UNC79: variants seen among roughly 807,000 people sequenced by gnomAD.
UNC79 encodes protein unc-79 homolog.
Under a neutral mutation model 283.1 loss-of-function variants are expected in UNC79, and 37 were observed. The ratio of observed to expected loss-of-function variants is 0.13; its 90% CI spans 0.10 to 0.17. UNC79 has a LOEUF of 0.17. UNC79 is among the 10% of genes least tolerant of loss of function. UNC79 has a pLI of 1.00. For synonymous variants in UNC79, 1,107 were observed against 1,200.2 expected, an observed-to-expected ratio of 0.92 and a Z score of 1.61; for missense variants, 2,272 against 3,211.1, an observed-to-expected ratio of 0.71 and a Z score of 7.07.
At chr14:93,449,163 G>A (rs1165914128) in intron 1 of UNC79, among the ~76,000 whole-genome samples, 1 of 152,162 alleles carries the variant, frequency 6.6e-6, no homozygotes, top group Non-Finnish European at 1.5e-5. Context: ...TTGTCAGTGG[G>A]TCTTTGGTTT....
rs1440608774 is a variant in UNC79, at chr14:93,531,645, T to C, written c.1094-905T>C. ...ACACACACGTTAAGAGTGATATAAA[T>C]TGATAATTTAAATCTAGGTAGTCCA... On this transcript the variant is annotated intron_variant, in intron 10 of 48. Coordinates refer to ENST00000555664, the Ensembl canonical transcript of UNC79. The surrounding 1 kb of genome is among the most constrained non-coding windows in gnomAD (Gnocchi z 4.2). 1.3e-5 allele frequency among the ~76,000 whole-genome samples: 2 copies of C among 152,234 alleles called. No homozygotes were observed. Among genetic ancestry groups the C allele is most frequent in the African/African-American group, 4.8e-5 (2 of 41,464 alleles).
At chr14:93,644,892 C>T (rs2069433049) in intron 34 of UNC79, among the ~76,000 whole-genome samples, 1 of 152,050 alleles carries the variant, frequency 6.6e-6, no homozygotes, top group Admixed American at 6.5e-5. Flanking sequence ...GTAAGTGTGA[C>T]CATTGCATCT....
intron 1 of UNC79, among the ~76,000 whole-genome samples, chr14:93,424,772 A>C (rs2140077630): frequency 6.6e-6 from 1 of 152,282 alleles, no homozygotes; most frequent in Admixed American, 6.5e-5. Flanking sequence ...AAATAGTTAG[A>C]AATAATGAAT....
At chr14:93,657,631 G>A (rs571422283) in intron 38 of UNC79, among the ~76,000 whole-genome samples, 7 of 152,272 alleles carry the variant, frequency 4.6e-5, no homozygotes, top group Admixed American at 2.6e-4. Flanking sequence ...GATTACAGGC[G>A]TGAGCCAAAG....
chr14:93,477,405 C>T (rs1023299669), intron 3 of UNC79, among the ~76,000 whole-genome samples, 153 bp from the exon 4 acceptor site: 1 of 152,118 alleles, frequency 6.6e-6, no homozygotes, highest in African/African-American at 2.4e-5. Context: ...ATAAATAGTA[C>T]CCTATCAAAC....
rs537873469 is a variant in UNC79, at chr14:93,561,240, T to C, written c.1756-10654T>C. On this transcript the variant is annotated intron_variant, in intron 14 of 48. Transcript: ENST00000555664. ...ATTCCAGTGGGTCTTTGCTGAGAGA[T>C]ACATAAAGGAGCAGCCACAGGAAAA... 1.2e-4 allele frequency among the ~76,000 whole-genome samples: 19 copies of C among 152,188 alleles called. No homozygotes were observed. In the South Asian group the frequency reaches 3.5e-3, roughly 28 times the overall value.
Position 93,688,587 on chromosome 14 carries a change from A to G in UNC79, c.6910-78A>G, listed in dbSNP as rs1211304032. ...TGGCGATAAGCGGGGTGGAAATGAC[A>G]ACCTCTTCTTTTCAAAGAATGGCCT... is the stretch of plus-strand genomic sequence containing the variant. On this transcript the variant is annotated intron_variant, in intron 43 of 48. Coordinates refer to ENST00000555664, the Ensembl canonical transcript of UNC79. This position sits in a 1 kb window ranked among gnomAD's most constrained non-coding sequence, Gnocchi z 4.0. The G allele has an allele frequency of 1.3e-6, 2 of 1,516,306 alleles. No homozygotes were observed. Among genetic ancestry groups the G allele is most frequent in the African/African-American group, 2.8e-5 (2 of 72,338 alleles). The allele number at this position is 1,516,306 out of a possible 1,614,324, so 93.9% of individuals were successfully genotyped here.
At chr14:93,342,106 C>T (rs2053726558) in intron 1 of UNC79, among the ~76,000 whole-genome samples, 2 of 152,208 alleles carry the variant, frequency 1.3e-5, no homozygotes, top group African/African-American at 2.4e-5. Flanking sequence ...GTGGGGGCTG[C>T]AACCCCACAT....
chr14:93,677,961 T>G (rs1463151602), intron 41 of UNC79, among the ~76,000 whole-genome samples: 2 of 152,166 alleles, frequency 1.3e-5, no homozygotes, highest in Non-Finnish European at 2.9e-5. Context: ...TGCCTCTTTC[T>G]AGGGTTTCTC....
chr14:93,507,986 T>A (rs193147464), intron 7 of UNC79, among the ~76,000 whole-genome samples: 1 of 152,332 alleles, frequency 6.6e-6, no homozygotes, highest in Non-Finnish European at 1.5e-5. Flanking sequence ...CTTGGTCATA[T>A]TTTTGTGGGT....
chr14:93,625,410 T>G (rs1169797748), intron 30 of UNC79, among the ~76,000 whole-genome samples: 1 of 152,240 alleles, frequency 6.6e-6, no homozygotes, highest in Non-Finnish European at 1.5e-5. Flanking sequence ...CTTTCCTAAA[T>G]TATTCCTGTC....
intron 1 of UNC79, among the ~76,000 whole-genome samples, chr14:93,366,452 C>A (rs1450977688): frequency 1.3e-5 from 2 of 152,088 alleles, no homozygotes; most frequent in East Asian, 3.8e-4. Context: ...AAACTCAAGT[C>A]TTGCTAAGCT....
chr14:93,541,400 C>G (rs1334504428), intron 13 of UNC79, among the ~76,000 whole-genome samples: 1 of 152,162 alleles, frequency 6.6e-6, no homozygotes, highest in African/African-American at 2.4e-5. Context: ...CCCAAGCAAG[C>G]TGAATTTACC....
At chr14:93,414,504 A>C (rs554506101) in intron 1 of UNC79, among the ~76,000 whole-genome samples, 46 of 152,304 alleles carry the variant, frequency 3.0e-4, no homozygotes, top group African/African-American at 1.1e-3. Context: ...TGACTTGGCA[A>C]TGCGGGCTCT....
chr14:93,665,406 TAAAG>T (rs2072080010), intron 40 of UNC79, among the ~76,000 whole-genome samples: 1 of 151,342 alleles, frequency 6.6e-6, no homozygotes, highest in African/African-American at 2.4e-5. Context: ...AAGAGAGAGA[TAAAG>T]AGATGAATAT....
At chr14:93,516,432 C>A in intron 7 of UNC79, among the ~76,000 whole-genome samples, 1 of 106,126 alleles carries the variant, frequency 9.4e-6, no homozygotes, top group African/African-American at 3.7e-5. Flanking sequence ...ACAAAACAAT[C>A]TGCTTGGATA....
intron 16 of UNC79, among the ~76,000 whole-genome samples, chr14:93,574,176 G>A (rs2063349672): frequency 7.5e-6 from 1 of 133,960 alleles, no homozygotes; most frequent in African/African-American, 2.7e-5. Context: ...GTGCTCTTTG[G>A]GGATAAGCCC....
intron 1 of UNC79, among the ~76,000 whole-genome samples, chr14:93,393,953 C>T (rs1341558799): frequency 6.6e-6 from 1 of 151,968 alleles, no homozygotes; most frequent in Non-Finnish European, 1.5e-5. Context: ...TTCTACCTCC[C>T]ATTCAAACTC....
At chr14:93,559,810 A>G (rs2062432882) in intron 14 of UNC79, among the ~76,000 whole-genome samples, 1 of 152,126 alleles carries the variant, frequency 6.6e-6, no homozygotes, top group Admixed American at 6.5e-5. Context: ...AGGGGATACG[A>G]TGGCTTAGCT....
Sources: gnomAD v4.1 joint callset for allele counts (sites outside exome capture counted in the v4.1 genomes callset) on GRCh38, gnomAD v4.1.1 for gene constraint, Gnocchi (gnomAD v3.1) non-coding constraint, MANE v1.5 for transcripts, NCBI Gene and HGNC (gene_info 2026-07-23, HGNC 2026-07-21) for gene names.